Variants in NAAA observed in about 807,000 individuals in gnomAD.
NAAA encodes the protein N-acylethanolamine acid amidase.
In NAAA, 39 loss-of-function variants were observed where a neutral mutation model predicts 44.8. The observed-to-expected ratio is 0.87, with a 90% CI of 0.67 to 1.14. The LOEUF is 1.14. Ranked by LOEUF, NAAA falls within the 50% of genes most tolerant of loss-of-function variation. The probability of loss-of-function intolerance (pLI) is 0.00; values close to 1 mark genes in which losing one functional copy is unlikely to be tolerated. For missense variants in NAAA, 460 were observed against 467.8 expected (o/e 0.98, Z 0.15); for synonymous variants, 178 against 191.3 (o/e 0.93, Z 0.58).
chr4:75,916,613 C>A (rs892962891), intron 9 of NAAA: 4 of 152,062 alleles, frequency 2.6e-5, no homozygotes, highest in African/African-American at 9.7e-5. Context: ...AGAGGAAAAT[C>A]TAACAACTGG....
chr4:75,936,064 T>G (rs1420713506), intron 3 of NAAA, 45 bp downstream of exon 3: 1 of 1,611,352 alleles, frequency 6.2e-7, no homozygotes, highest in Non-Finnish European at 8.5e-7. Flanking sequence ...TAACTTGAGT[T>G]TGCAAATCTT....
At chr4:75,915,297 T>A (rs1312749720) in intron 9 of NAAA, among the ~76,000 whole-genome samples, 1 of 152,010 alleles carries the variant, frequency 6.6e-6, no homozygotes, top group Non-Finnish European at 1.5e-5. Context: ...TGCACTGAGC[T>A]GAGATTGCGC....
chr4:75,928,205 C>T (rs572070324), intron 4 of NAAA, among the ~76,000 whole-genome samples: 1 of 152,180 alleles, frequency 6.6e-6, no homozygotes, highest in Non-Finnish European at 1.5e-5. Context: ...GGAGATTCCA[C>T]ATATAAGTGA....
At chr4:75,920,650 A>G (rs1397097909) in intron 7 of NAAA, 88 bp downstream of exon 7, 8 of 1,510,026 alleles carry the variant, frequency 5.3e-6, no homozygotes, top group Non-Finnish European at 7.4e-6. Flanking sequence ...GATAGCACCC[A>G]TAGGTCTTGC....
At chr4:75,919,586 C>G in intron 8 of NAAA, 1 of 407,066 alleles carries the variant, frequency 2.5e-6, no homozygotes, top group Non-Finnish European at 4.3e-6. Context: ...ACACGCCATT[C>G]TCCTGCCTCA....
At chr4:75,911,840 C>T (rs556941279), downstream of NAAA, among the ~76,000 whole-genome samples, 1 of 152,346 alleles carries the variant, frequency 6.6e-6, no homozygotes, top group East Asian at 1.9e-4. Context: ...ATCCTAATCT[C>T]ATAGCCTTCC....
chr4:75,919,977 T>G lies in NAAA; in HGVS notation c.903-2A>C. 1 of 1,613,790 alleles carries G rather than the reference T, an allele frequency of 6.2e-7. No homozygotes were observed. The highest frequency in any genetic ancestry group is 8.5e-7 in the Non-Finnish European group (1 of 1,179,732). On this transcript the variant is annotated splice_acceptor_variant, in intron 7 of 10. Transcript: ENST00000286733. LOFTEE classifies it high-confidence loss of function. ...TTAAGGGCCTTGATGGCAGATGTTC[T>G]GTAAGGACAAAGGTCGAAGGTCACT...
chr4:75,940,778 C>A lies in NAAA; in HGVS notation c.172G>T (p.Asp58Tyr). Residue 58 changes from aspartate (D) to tyrosine (Y), a missense_variant, in exon 1 of 11, where the codon GAC becomes TAC. Transcript: ENST00000286733. ...TGCGCCATCGCGGCGCGCACCAAGT[C>A]CAAGTCGTAGTGCCGCAGCACGGGC... ...WLPVLRHYDLDLVRAAMAQVI... is the reference protein window; with the variant it reads ...WLPVLRHYDLYLVRAAMAQVI... The A allele has an allele frequency of 1.3e-6, 2 of 1,598,948 alleles. No homozygotes were observed. The highest frequency in any genetic ancestry group is 1.7e-6 in the Non-Finnish European group (2 of 1,178,842).
intron 5 of NAAA, among the ~76,000 whole-genome samples, chr4:75,924,210 T>C (rs1726447073): frequency 6.6e-6 from 1 of 152,228 alleles, no homozygotes; most frequent in Admixed American, 6.5e-5. Flanking sequence ...CCCAGACAAA[T>C]GAGGCCGTTT....
At chr4:75,934,459 A>C (rs1396484531) in intron 3 of NAAA, among the ~76,000 whole-genome samples, 1 of 146,768 alleles carries the variant, frequency 6.8e-6, no homozygotes, top group African/African-American at 2.5e-5. Context: ...GGGATTACAG[A>C]CACCCACCCA....
At chr4:75,939,266 A>T (rs989470173) in intron 2 of NAAA, among the ~76,000 whole-genome samples, 3 of 152,138 alleles carry the variant, frequency 2.0e-5, no homozygotes, top group African/African-American at 7.2e-5. Flanking sequence ...GCCACGACAC[A>T]CATGAAAGGA....
intron 1 of NAAA, 50 bp from the exon 2 acceptor site, chr4:75,940,215 G>A: frequency 6.3e-7 from 1 of 1,577,320 alleles, no homozygotes; most frequent in Non-Finnish European, 8.6e-7. Flanking sequence ...GGTCGGCGGC[G>A]TGCGACTGCG....
chr4:75,919,808 T>A, intron 8 of NAAA, 101 bp downstream of exon 8: 1 of 1,189,196 alleles, frequency 8.4e-7, no homozygotes. Flanking sequence ...ACTTTTACCC[T>A]AACGTTTTCA....
intron 5 of NAAA, 142 bp from the exon 6 acceptor site, chr4:75,921,265 G>C: frequency 1.3e-6 from 1 of 769,526 alleles, no homozygotes; most frequent in Non-Finnish European, 1.9e-6. Context: ...TTATCCTCTT[G>C]TTATCAGGGC....
At chr4:75,935,272 G>A (rs1727608229) in intron 3 of NAAA, 1 of 152,144 alleles carries the variant, frequency 6.6e-6, no homozygotes, top group South Asian at 2.1e-4. Flanking sequence ...TAGTATTTGT[G>A]AATCAACCCC....
At chr4:75,912,567 A>G (rs1725373629), downstream of NAAA, among the ~76,000 whole-genome samples, 1 of 151,866 alleles carries the variant, frequency 6.6e-6, no homozygotes, top group Non-Finnish European at 1.5e-5. Context: ...AAAAAAAAAA[A>G]AAAAGAAATT....
chr4:75,930,167 G>A (rs985244896), intron 4 of NAAA, among the ~76,000 whole-genome samples: 4 of 152,046 alleles, frequency 2.6e-5, no homozygotes, highest in South Asian at 2.1e-4. Context: ...TTCATCAGAC[G>A]AGCAACACTA....
chr4:75,940,715 C>CGCAGACCCCGTCCAGGGCCCCA, intron 1 of NAAA, 29 bp downstream of exon 1: 1 of 1,583,020 alleles, frequency 6.3e-7, no homozygotes, highest in Non-Finnish European at 8.5e-7. Flanking sequence ...CCGGTGTCCC[C>CGCAGACCCCGTCCAGGGCCCCA]GCAGACCCCG....
chr4:75,935,885 C>T, intron 3 of NAAA: 1 of 593,198 alleles, frequency 1.7e-6, no homozygotes. Flanking sequence ...CTATGGAAAA[C>T]TGGGTGACCT....
Sources: allele counts gnomAD v4.1 joint callset (sites outside exome capture counted in the v4.1 genomes callset), GRCh38; gene constraint gnomAD v4.1.1; transcripts MANE v1.5; gene names NCBI Gene and HGNC (gene_info 2026-07-23, HGNC 2026-07-21).